ZNF624: variants seen among roughly 807,000 people sequenced by gnomAD.
The protein encoded by ZNF624 is zinc finger protein 624.
ZNF624 carries 43 observed loss-of-function variants against 74.7 expected under a neutral mutation model. That is an observed-to-expected ratio of 0.58 (90% CI 0.45 to 0.74). The LOEUF is 0.74. Ranked by LOEUF, ZNF624 falls within the 30% of genes least tolerant of loss-of-function variation. The pLI, the probability that ZNF624 is intolerant of heterozygous loss-of-function variation, is 0.00. For missense variants in ZNF624, 820 were observed against 1,030.0 expected, an observed-to-expected ratio of 0.80 and a Z score of 2.79; for synonymous variants, 331 against 341.3, an observed-to-expected ratio of 0.97 and a Z score of 0.33.
At chr17:16,641,322 G>A (rs1454403131) in intron 3 of ZNF624, among the ~76,000 whole-genome samples, 1 of 150,264 alleles carries the variant, frequency 6.7e-6, no homozygotes, top group African/African-American at 2.5e-5. Flanking sequence ...CTTGCTCATC[G>A]CCCAGGCTGG....
chr17:16,619,023 T>G (rs1273205114), downstream of ZNF624, among the ~76,000 whole-genome samples: 1 of 152,158 alleles, frequency 6.6e-6, no homozygotes, highest in Non-Finnish European at 1.5e-5. Context: ...TTTAAAATAT[T>G]TGGTATTGTT....
At chr17:16,615,129 G>T in the ZNF624 span, among the ~76,000 whole-genome samples, 1 of 152,058 alleles carries the variant, frequency 6.6e-6, no homozygotes, top group African/African-American at 2.4e-5. Flanking sequence ...ATGGAGTTTC[G>T]CTCTGTCGCC....
intron 3 of ZNF624, among the ~76,000 whole-genome samples, chr17:16,639,132 C>A (rs1405393753): frequency 6.6e-6 from 1 of 152,154 alleles, no homozygotes; most frequent in Non-Finnish European, 1.5e-5. Flanking sequence ...ACCTTGTAAT[C>A]ATTCTGATCC....
At chr17:16,627,180 A>G (rs1271695398) in intron 5 of ZNF624, among the ~76,000 whole-genome samples, 1 of 152,220 alleles carries the variant, frequency 6.6e-6, no homozygotes, top group Non-Finnish European at 1.5e-5. Context: ...AAGCAGAAAA[A>G]TTTGCTGCAA....
intron 3 of ZNF624, among the ~76,000 whole-genome samples, chr17:16,636,186 T>C (rs1909326240): frequency 6.6e-6 from 1 of 152,252 alleles, no homozygotes; most frequent in African/African-American, 2.4e-5. Context: ...GTTACATTCA[T>C]GATACATTAT....
At chr17:16,626,435 A>T (rs1297689291) in intron 5 of ZNF624, among the ~76,000 whole-genome samples, 5 of 109,542 alleles carry the variant, frequency 4.6e-5, no homozygotes, top group Admixed American at 4.5e-4. Flanking sequence ...AGTATCTGAT[A>T]AAAAAAAAAG....
In ZNF624 at chr17:16,623,629, A is replaced by G. The variant is rs200351855; in HGVS notation, c.1257T>C (p.Asp419=). The change falls in exon 6 of 6, where the codon GAT becomes GAC. Residue 419 remains aspartate, a synonymous_variant. Coordinates refer to ENST00000311331, the MANE Select transcript of ZNF624 (RefSeq NM_020787.4). The surrounding 1 kb of genome is among the most constrained non-coding windows in gnomAD (Gnocchi z 5.3). ...TGTTCCTAAAGGCTTTCCCACAATC[A>G]TCACATTTGTAGGGTTTCTCACCAT... The part of the protein sequence containing the change: ...THNGEKPYKC[D]DCGKAFRNKS... The G allele has an allele frequency of 6.2e-7, 1 of 1,610,954 alleles. No individual in the cohort carries two copies. Among genetic ancestry groups the G allele is most frequent in the East Asian group, 2.2e-5 (1 of 44,874 alleles).
intron 5 of ZNF624, 104 bp from the exon 6 acceptor site, chr17:16,624,613 G>C: frequency 9.4e-7 from 1 of 1,063,442 alleles, no homozygotes; most frequent in Non-Finnish European, 1.3e-6. Flanking sequence ...TGAATATATG[G>C]TTTTAATTGC....
downstream of ZNF624, among the ~76,000 whole-genome samples, chr17:16,619,869 G>C (rs2142559107): frequency 6.6e-6 from 1 of 152,308 alleles, no homozygotes; most frequent in Non-Finnish European, 1.5e-5. Flanking sequence ...GACCAACAAA[G>C]TTGGCACCAT....
chr17:16,620,381 A>G (rs1908878537), downstream of ZNF624, among the ~76,000 whole-genome samples: 1 of 152,206 alleles, frequency 6.6e-6, no homozygotes, highest in Non-Finnish European at 1.5e-5. Flanking sequence ...GAAGCTTTAC[A>G]CGGCCTCTTC....
chr17:16,647,057 A>G (rs780157758), intron 3 of ZNF624, among the ~76,000 whole-genome samples: 5 of 152,204 alleles, frequency 3.3e-5, no homozygotes. Context: ...TTTTAATGGC[A>G]CAGTATTGGG....
intron 3 of ZNF624, among the ~76,000 whole-genome samples, chr17:16,637,299 A>T (rs1444707013): frequency 6.6e-6 from 1 of 152,214 alleles, no homozygotes; most frequent in Non-Finnish European, 1.5e-5. Flanking sequence ...GCCCAAGGTA[A>T]TTTATAGATT....
intron 3 of ZNF624, 79 bp downstream of exon 3, chr17:16,647,250 A>T: frequency 8.2e-7 from 1 of 1,221,686 alleles, no homozygotes; most frequent in Non-Finnish European, 1.2e-6. Flanking sequence ...ACTTGCAATT[A>T]ACTGGGAACA....
At chr17:16,635,856 G>A (rs1351013248) in intron 3 of ZNF624, among the ~76,000 whole-genome samples, 2 of 148,108 alleles carry the variant, frequency 1.4e-5, no homozygotes, top group African/African-American at 5.0e-5. Flanking sequence ...AGTATCACTA[G>A]AGATTCATGA....
chr17:16,639,638 G>A (rs1194976247), intron 3 of ZNF624, among the ~76,000 whole-genome samples: 1 of 152,116 alleles, frequency 6.6e-6, no homozygotes, highest in African/African-American at 2.4e-5. Flanking sequence ...TTTGGCAGTC[G>A]CTGAAGACTT....
In ZNF624 at chr17:16,622,406, A is replaced by C; in HGVS notation, c.2480T>G (p.Leu827Trp). ...FRTNSDFTVH[L>W]RMHTGEKPYK... ...GGGTTTTTCTCCAGTATGCATCCTC[A>C]AGTGTACAGTAAAGTCTGAGTTAGT... The change falls in exon 6 of 6, where the codon TTG becomes TGG. Residue 827 changes from leucine to tryptophan, a missense_variant. Coordinates refer to ENST00000311331, the MANE Select transcript of ZNF624 (RefSeq NM_020787.4). 1 of 1,612,734 alleles carries C rather than the reference A, an allele frequency of 6.2e-7. No homozygotes were observed. Among genetic ancestry groups the C allele is most frequent in the South Asian group, 1.1e-5 (1 of 90,996 alleles).
chr17:16,645,268 C>T (rs1238188913), intron 3 of ZNF624, among the ~76,000 whole-genome samples: 5 of 151,984 alleles, frequency 3.3e-5, no homozygotes, highest in African/African-American at 4.8e-5. Context: ...GGTGAAACCC[C>T]GTACACTAAA....
At chr17:16,619,905 G>A (rs1420101175), downstream of ZNF624, among the ~76,000 whole-genome samples, 7 of 152,192 alleles carry the variant, frequency 4.6e-5, no homozygotes, top group African/African-American at 1.2e-4. Context: ...TGACAGCAGG[G>A]CTTCTTAAAG....
intron 3 of ZNF624, among the ~76,000 whole-genome samples, chr17:16,643,555 GTTTC>G (rs1909516087): frequency 6.6e-6 from 1 of 152,124 alleles, no homozygotes; most frequent in Non-Finnish European, 1.5e-5. Context: ...TGGGTATGGG[GTTTC>G]TTTTTCAGGG....
Sources: allele counts gnomAD v4.1 joint callset (sites outside exome capture counted in the v4.1 genomes callset), GRCh38; gene constraint gnomAD v4.1.1; non-coding constraint Gnocchi (gnomAD v3.1); transcripts MANE v1.5; gene names NCBI Gene and HGNC (gene_info 2026-07-23, HGNC 2026-07-21).